The following LEMD2 variants were observed in gnomAD, a reference collection of about 807,000 sequenced individuals.
The protein encoded by LEMD2 is LEM domain-containing protein 2.
Under a neutral mutation model 58.8 loss-of-function variants are expected in LEMD2, and 34 were observed. That is an observed-to-expected ratio of 0.58 (90% CI 0.44 to 0.77). The LOEUF is 0.77. Among genes scored for constraint, LEMD2 ranks in the 30% least tolerant of loss-of-function variants. The pLI is 0.00. For synonymous variants in LEMD2, 298 were observed against 308.9 expected (o/e 0.96, Z 0.37); for missense variants, 629 against 717.9 (o/e 0.88, Z 1.42).
chr6:33,788,350 G>C (rs775803691), intron 1 of LEMD2, 31 bp downstream of exon 1: 3 of 1,520,598 alleles, frequency 2.0e-6, no homozygotes, highest in East Asian at 2.5e-5. Flanking sequence ...CGCGCGCCCA[G>C]GGCCCTCCCC....
rs757864405 is a variant in LEMD2, at chr6:33,789,120, C to G, written c.-4G>C. ...CCAGGTCCGACAGGCCGGCCATGGC[C>G]AGGACGCCGCCCCCCGCCCGCCCCT... On this transcript the variant is annotated 5_prime_UTR_variant, in exon 1 of 9. Coordinates refer to ENST00000293760, the MANE Select transcript of LEMD2 (RefSeq NM_181336.4). 6.6e-7 allele frequency: 1 copy of G among 1,511,586 alleles called. No homozygotes were observed. Among genetic ancestry groups the G allele is most frequent in the Non-Finnish European group, 8.8e-7 (1 of 1,140,984 alleles). The allele number at this position is 1,511,586 out of a possible 1,614,324, so 93.6% of individuals were successfully genotyped here.
In LEMD2 at chr6:33,788,723, G is replaced by A; in HGVS notation, c.394C>T (p.Arg132Cys). The change falls in exon 1 of 9, where the codon CGC becomes TGC. Residue 132 changes from arginine (R) to cysteine (C), a missense_variant. Around this residue, in one of 2 missense-constraint regions of LEMD2, gnomAD observed 386 missense variants for 381.1 expected, o/e 1.01. Transcript: ENST00000293760. ...TCGGAGCTGCCCCGGACCGAGGCGC[G>A]GCGCCTGAGTTGCGCCGGGCGGGCA... ...YPARPAQLRR[R>C]ASVRGSSEED... The A allele has an allele frequency of 7.0e-7, 1 of 1,424,742 alleles. No individual in the cohort carries two copies. Among genetic ancestry groups the A allele is most frequent in the Non-Finnish European group, 9.2e-7 (1 of 1,089,810 alleles). 88.3% of individuals were successfully genotyped at this position (1,424,742 alleles called of 1,614,324 possible).
intron 1 of LEMD2, among the ~76,000 whole-genome samples, chr6:33,787,346 GTTGA>G (rs1397977110): frequency 2.0e-5 from 3 of 151,374 alleles, no homozygotes; most frequent in Non-Finnish European, 3.0e-5. Context: ...TATTCACATA[GTTGA>G]TAAATGCTCT....
rs775535702 is a variant in LEMD2 at position 33,784,470 on chromosome 6, G to T, written c.778-43C>A. 5 of 457,088 alleles carry T rather than the reference G, an allele frequency of 1.1e-5. No individual in the cohort carries two copies. In the East Asian group the frequency reaches 2.1e-4, roughly 19 times the overall value. The allele number at this position is 457,088 out of a possible 1,614,324, so 28.3% of individuals were successfully genotyped here. On this transcript the variant is annotated intron_variant, in intron 2 of 8. Transcript: ENST00000293760. Reference sequence around the variant, plus strand: ...AAGTGGTCAGCAAGGAGGGGTGGGTGGGAGGGGTCCGTCTGTCCATCTTTA... The same window carrying T: ...AAGTGGTCAGCAAGGAGGGGTGGGTTGGAGGGGTCCGTCTGTCCATCTTTA...
Position 33,777,650 on chromosome 6 carries a change from C to T in LEMD2, c.1157-411G>A, listed in dbSNP as rs376858271. 5.3e-5 allele frequency among the ~76,000 whole-genome samples: 8 copies of T among 152,298 alleles called. No individual in the cohort carries two copies. The East Asian group carries it at 1.3e-3, about 26-fold the overall frequency. On this transcript the variant is annotated intron_variant, in intron 6 of 8. Coordinates refer to ENST00000293760, the MANE Select transcript of LEMD2 (RefSeq NM_181336.4). ...CACAGGGGAGGGAGCTGTGTGCACA[C>T]TGAGGCGGTCTGTGATTTGTAGCTC... is the stretch of plus-strand genomic sequence containing the variant.
rs77246308 is a variant in LEMD2 at position 33,772,433 on chromosome 6, C to T, written c.*195G>A. 9.8e-4 allele frequency: 520 copies of T among 530,378 alleles called. 3 individuals are homozygous for T. Among genetic ancestry groups the T allele is most frequent in the Non-Finnish European group, 1.5e-3 (453 of 302,314 alleles). 32.9% of individuals were successfully genotyped at this position (530,378 alleles called of 1,614,324 possible). On this transcript the variant is annotated 3_prime_UTR_variant, in exon 9 of 9. Coordinates refer to ENST00000293760, the MANE Select transcript of LEMD2 (RefSeq NM_181336.4). ...GCTATCACCCTGGCTTCTCCCCCTCCCTTTAAAGGAAGCCCACATTTTCCT... is the reference window on the plus strand; with the variant it reads ...GCTATCACCCTGGCTTCTCCCCCTCTCTTTAAAGGAAGCCCACATTTTCCT...
Position 33,788,762 on chromosome 6 carries a change from C to T in LEMD2, c.355G>A (p.Gly119Ser). 6.2e-6 allele frequency: 9 copies of T among 1,448,916 alleles called. No homozygotes were observed. Among genetic ancestry groups the T allele is most frequent in the Non-Finnish European group, 8.2e-6 (9 of 1,102,666 alleles). 89.8% of individuals were successfully genotyped at this position (1,448,916 alleles called of 1,614,324 possible). Residue 119 changes from glycine (G) to serine (S), a missense_variant, in exon 1 of 9, where the codon GGC becomes AGC. Physicochemically the swap from Gly to Ser is moderately conservative, Grantham distance 56. This residue lies in a region of LEMD2 where 386 missense variants were observed against 381.1 expected (regional missense o/e 1.01). Transcript: ENST00000293760. ...GCCGGGCGGGCAGGATAGGCGAGGC[C>T]GCGGCTCCCTACCCAGGAAGCCGCG... ...PSAASWVGSR[G>S]LAYPARPAQL...
Position 33,778,091 on chromosome 6 carries a change from G to T in LEMD2, c.1156+151C>A. ...GTAAATACAACCCAGGGCAGAGGCT[G>T]ACTTGTTCATCTCCTCTGTTTTATG... On this transcript the variant is annotated intron_variant, in intron 6 of 8. Transcript: ENST00000293760. This position sits in a 1 kb window ranked among gnomAD's most constrained non-coding sequence, Gnocchi z 4.7. 1 of 646,800 alleles carries T rather than the reference G, an allele frequency of 1.5e-6. No homozygotes were observed. The highest frequency in any genetic ancestry group is 1.9e-5 in the African/African-American group (1 of 52,996). 40.1% of individuals were successfully genotyped at this position (646,800 alleles called of 1,614,324 possible). A position where few individuals can be genotyped will look rare whatever the true frequency, so the allele number is the denominator to read the frequency against.
At chr6:33,788,110 G>A (rs1398024845) in intron 1 of LEMD2, among the ~76,000 whole-genome samples, 1 of 152,238 alleles carries the variant, frequency 6.6e-6, no homozygotes, top group Non-Finnish European at 1.5e-5. Context: ...GAGGAGCAGT[G>A]ACTACAGCTT....
Position 33,778,253 on chromosome 6 carries a change from A to G in LEMD2, c.1145T>C (p.Ile382Thr). Residue 382 changes from isoleucine to threonine, a missense_variant, in exon 6 of 9, where the codon ATC becomes ACC. Ile to Thr is a moderately conservative substitution (Grantham distance 89, BLOSUM62 -1). This residue lies in a region of LEMD2 where 243 missense variants were observed against 336.8 expected (regional missense o/e 0.72). Coordinates refer to ENST00000293760, the MANE Select transcript of LEMD2 (RefSeq NM_181336.4). The surrounding 1 kb of genome is among the most constrained non-coding windows in gnomAD (Gnocchi z 4.7). Reference sequence around the variant, plus strand: ...GGCCGAGGACTTACACCAGAAGAAGATGAGCACGTTGGTGACAGCAGTGAG... The same window carrying G: ...GGCCGAGGACTTACACCAGAAGAAGGTGAGCACGTTGGTGACAGCAGTGAG... The part of the protein sequence containing the change: ...ALLTAVTNVL[I>T]FFWCLAFLWG... 6.3e-7 allele frequency: 1 copy of G among 1,597,820 alleles called. No homozygotes were observed. The highest frequency in any genetic ancestry group is 8.5e-7 in the Non-Finnish European group (1 of 1,171,108).
Position 33,777,128 on chromosome 6 carries a change from G to A in LEMD2, c.1258+10C>T, listed in dbSNP as rs754551999. 11 of 1,612,340 alleles carry A rather than the reference G, an allele frequency of 6.8e-6. No homozygotes were observed. The Admixed American group carries it at 1.3e-4, about 20-fold the overall frequency. ...GTCGGCAACCCTTTATTCACCAGGG[G>A]GCCACGCACCTATAATCTTCTTCAC... On this transcript the variant is annotated intron_variant, in intron 7 of 8. Coordinates refer to ENST00000293760, the MANE Select transcript of LEMD2 (RefSeq NM_181336.4).
chr6:33,776,096 C>A (rs1767424199), intron 8 of LEMD2, among the ~76,000 whole-genome samples: 1 of 152,208 alleles, frequency 6.6e-6, no homozygotes, highest in Non-Finnish European at 1.5e-5. Context: ...TGCCCTGCAG[C>A]TGCACATGAC....
rs1767307816 is a variant in LEMD2, at chr6:33,771,971, T to A, written c.*657A>T. The stretch of plus-strand genomic sequence containing the variant: ...CCTGGGGCTGCCCGACCCTCCTCTC[T>A]GCTCTCAGCCCCAGTCCCTACTTCG... On this transcript the variant is annotated 3_prime_UTR_variant, in exon 9 of 9. Transcript: ENST00000293760. The A allele has an allele frequency of 6.6e-6, 1 of 152,412 alleles. No homozygotes were observed. Among genetic ancestry groups the A allele is most frequent in the South Asian group, 2.1e-4 (1 of 4,836 alleles). 9.4% of individuals were successfully genotyped at this position (152,412 alleles called of 1,614,324 possible).
chr6:33,779,987 C>G (rs1247388696), intron 5 of LEMD2, 113 bp downstream of exon 5: 1 of 887,370 alleles, frequency 1.1e-6, no homozygotes, highest in Non-Finnish European at 1.8e-6. Flanking sequence ...GCTGGGAGAC[C>G]CAGCCTCCAG....
rs868638819 is a variant in LEMD2, at chr6:33,788,467, G to A, written c.650C>T (p.Ala217Val). 1.9e-6 allele frequency: 3 copies of A among 1,562,326 alleles called. No individual in the cohort carries two copies. The highest frequency in any genetic ancestry group is 1.4e-5 in the African/African-American group (1 of 72,764). ...ERWLSRLLLW[A>V]SLGLLLVFLG... ...GAAGACGAGCAGTAGCCCTAGGCTG[G>A]CCCAGAGCAGAAGCCGAGAGAGCCA... is the stretch of plus-strand genomic sequence containing the variant. Residue 217 changes from alanine to valine, a missense_variant, in exon 1 of 9, where the codon GCC (alanine) becomes GTC (valine). This residue lies in a region of LEMD2 where 386 missense variants were observed against 381.1 expected (regional missense o/e 1.01). Coordinates refer to ENST00000293760, the MANE Select transcript of LEMD2 (RefSeq NM_181336.4).
chr6:33,781,070 T>A lies in LEMD2; in HGVS notation c.930+7A>T, dbSNP rs1392847231. 6.3e-7 allele frequency: 1 copy of A among 1,598,424 alleles called. No homozygotes were observed. Among genetic ancestry groups the A allele is most frequent in the Admixed American group, 1.7e-5 (1 of 59,914 alleles). On this transcript the variant is annotated splice_region_variant and intron_variant, in intron 4 of 8. Transcript: ENST00000293760. ...CCAGGAATGTATAAGCACTGAAGCC[T>A]ACTTACGGCTATATATTCTTGGGCT...
At chr6:33,787,060 T>G in intron 1 of LEMD2, 1 of 442,042 alleles carries the variant, frequency 2.3e-6, no homozygotes, top group Non-Finnish European at 3.9e-6. Context: ...TCTCCTCGTC[T>G]GTAAAACGGG....
rs1424831858 is a variant in LEMD2, at chr6:33,784,270, C to T, written c.853+82G>A. 1.5e-5 allele frequency: 16 copies of T among 1,069,558 alleles called. No homozygotes were observed. The East Asian group carries it at 3.3e-4, about 22-fold the overall frequency. 66.3% of individuals were successfully genotyped at this position (1,069,558 alleles called of 1,614,324 possible). The stretch of plus-strand genomic sequence containing the variant: ...CAGGGAGTGTCTCGCTGGCCAGCAG[C>T]AGTGTAACTAAGCCTGATGAACCGG... On this transcript the variant is annotated intron_variant, in intron 3 of 8. Coordinates refer to ENST00000293760, the MANE Select transcript of LEMD2 (RefSeq NM_181336.4).
chr6:33,784,452 C>T, intron 2 of LEMD2, 25 bp from the exon 3 acceptor site: 1 of 520,658 alleles, frequency 1.9e-6, no homozygotes. Context: ...GACAAGTGGT[C>T]AGCAAGGAGG....
Sources: gnomAD v4.1 joint callset for allele counts (sites outside exome capture counted in the v4.1 genomes callset) on GRCh38, gnomAD v4.1.1 for gene constraint, gnomAD v4.1.1 regional missense constraint, Gnocchi (gnomAD v3.1) non-coding constraint, MANE v1.5 for transcripts, NCBI Gene and HGNC (gene_info 2026-07-23, HGNC 2026-07-21) for gene names.